Variants in CAMK2D observed in about 807,000 individuals in gnomAD.
The protein encoded by CAMK2D is calcium/calmodulin-dependent protein kinase type II subunit delta.
In CAMK2D, 37 loss-of-function variants were observed where a neutral mutation model predicts 84.0. The ratio of observed to expected loss-of-function variants is 0.44; its 90% CI spans 0.34 to 0.58. The LOEUF (loss-of-function observed/expected upper bound fraction) is 0.58. Among genes scored for constraint, CAMK2D ranks in the 20% least tolerant of loss-of-function variants. CAMK2D has a pLI of 0.02. For missense variants in CAMK2D, 448 were observed against 652.5 expected, an observed-to-expected ratio of 0.69 and a Z score of 3.41; for synonymous variants, 202 against 212.5, an observed-to-expected ratio of 0.95 and a Z score of 0.43.
intron 18 of CAMK2D, among the ~76,000 whole-genome samples, chr4:113,459,526 A>T (rs2097345625): frequency 6.6e-6 from 1 of 151,666 alleles, no homozygotes; most frequent in South Asian, 2.1e-4. Flanking sequence ...TGCCTGCCTA[A>T]TTTTTTTATA....
chr4:113,645,916 G>T (rs1211450823), intron 3 of CAMK2D, among the ~76,000 whole-genome samples: 1 of 152,170 alleles, frequency 6.6e-6, no homozygotes, highest in African/African-American at 2.4e-5. Context: ...CACCAAAAGG[G>T]TCTGGGCCAA....
intron 3 of CAMK2D, among the ~76,000 whole-genome samples, chr4:113,636,359 A>T (rs1442443726): frequency 6.6e-6 from 1 of 152,190 alleles, no homozygotes; most frequent in South Asian, 2.1e-4. Context: ...GATTACTCCA[A>T]CTGTCTCCTA....
rs187263041 is a variant in CAMK2D, at chr4:113,528,010, T to C, written c.601+3206A>G. The stretch of plus-strand genomic sequence containing the variant: ...CAGAAGCTGTGAAATCTGTCCATAA[T>C]AACACCTTTTACAAAATAAAACAAG... On this transcript the variant is annotated intron_variant, in intron 8 of 20. Coordinates refer to ENST00000511664, the MANE Select transcript of CAMK2D (RefSeq NM_001321571.2). Among the ~76,000 whole-genome samples, 40 of 152,176 alleles carry C rather than the reference T, an allele frequency of 2.6e-4. No homozygotes were observed. In the South Asian group the frequency reaches 6.8e-3, roughly 26 times the overall value.
At chr4:113,705,458 A>T (rs56401911) in intron 2 of CAMK2D, among the ~76,000 whole-genome samples, 1,949 of 152,134 alleles carry the variant, frequency 0.013, 47 homozygotes, top group African/African-American at 0.044. Context: ...CTACCTACAC[A>T]CAAGGAACCA....
chr4:113,621,746 G>A lies in CAMK2D; in HGVS notation c.221-12540C>T, dbSNP rs1265475249. On this transcript the variant is annotated intron_variant, in intron 3 of 20. Coordinates refer to ENST00000511664, the MANE Select transcript of CAMK2D (RefSeq NM_001321571.2). ...GAATGGTGATCTCAGCACTCATACA[G>A]TCATTAAGACAAAATCCTCTCACTA... Among the ~76,000 whole-genome samples, 14 of 152,194 alleles carry A rather than the reference G, an allele frequency of 9.2e-5. 1 individual carries two copies. Among genetic ancestry groups the A allele is most frequent in the Admixed American group, 7.9e-4 (12 of 15,278 alleles).
At chr4:113,513,212 C>T (rs1553921587) in intron 12 of CAMK2D, 116 bp downstream of exon 12, 6 of 1,541,602 alleles carry the variant, frequency 3.9e-6, no homozygotes, top group African/African-American at 2.8e-5. Context: ...CATTTGCCAC[C>T]CCTGAACAAT....
chr4:113,635,071 A>T (rs1048317173), intron 3 of CAMK2D, among the ~76,000 whole-genome samples: 3 of 152,240 alleles, frequency 2.0e-5, no homozygotes, highest in African/African-American at 7.2e-5. Flanking sequence ...GTCATAGGCA[A>T]ATATTTATAT....
At chr4:113,628,506 A>C (rs971668851) in intron 3 of CAMK2D, among the ~76,000 whole-genome samples, 6 of 152,088 alleles carry the variant, frequency 3.9e-5, no homozygotes, top group African/African-American at 1.2e-4. Flanking sequence ...GAAACAGTGA[A>C]GTTTGAAGTG....
intron 2 of CAMK2D, among the ~76,000 whole-genome samples, chr4:113,662,233 A>G (rs2154314493): frequency 6.6e-6 from 1 of 152,292 alleles, no homozygotes. Flanking sequence ...TGTTCTGTTA[A>G]CCATTCTCCT....
chr4:113,587,891 GGAAAA>G (rs1376617732), intron 4 of CAMK2D, among the ~76,000 whole-genome samples: 1 of 151,962 alleles, frequency 6.6e-6, no homozygotes, highest in East Asian at 1.9e-4. Context: ...AATAATACTA[GGAAAA>G]GAAGCCAAAT....
At chr4:113,498,587 C>A (rs2097977854) in intron 16 of CAMK2D, among the ~76,000 whole-genome samples, 1 of 152,032 alleles carries the variant, frequency 6.6e-6, no homozygotes, top group African/African-American at 2.4e-5. Flanking sequence ...CTTTTGATCT[C>A]AATATGATGC....
chr4:113,614,072 A>C (rs2099011895), intron 3 of CAMK2D, among the ~76,000 whole-genome samples: 1 of 152,150 alleles, frequency 6.6e-6, no homozygotes, highest in Admixed American at 6.6e-5. Flanking sequence ...TATTTTATTG[A>C]GACTTAATAT....
rs1189199460 is a variant in CAMK2D, at chr4:113,567,185, T to G, written c.276-15089A>C. On this transcript the variant is annotated intron_variant, in intron 4 of 20. Coordinates refer to ENST00000511664, the MANE Select transcript of CAMK2D (RefSeq NM_001321571.2). ...TTCTTTTCCTTTTTTTTTTTTTTTT[T>G]GAGATGGAGTCTCGCTCTGTCACCC... 6.0e-5 allele frequency among the ~76,000 whole-genome samples: 9 copies of G among 148,992 alleles called. No homozygotes were observed. In the East Asian group the frequency reaches 1.8e-3, roughly 30 times the overall value.
intron 13 of CAMK2D, among the ~76,000 whole-genome samples, chr4:113,508,916 A>C (rs1235017100): frequency 1.3e-5 from 2 of 152,230 alleles, no homozygotes; most frequent in African/African-American, 4.8e-5. Flanking sequence ...TTAAAGAAAT[A>C]AAACATTTAG....
intron 13 of CAMK2D, 152 bp downstream of exon 13, chr4:113,509,486 T>C (rs564435096): frequency 1.7e-6 from 1 of 601,554 alleles, no homozygotes; most frequent in South Asian, 2.2e-5. Context: ...TAGTCATCTT[T>C]GTATATTAAA....
intron 16 of CAMK2D, among the ~76,000 whole-genome samples, chr4:113,483,688 G>A (rs557494416): frequency 5.9e-5 from 9 of 152,080 alleles, no homozygotes; most frequent in Non-Finnish European, 1.3e-4. Context: ...TTATAGGTGT[G>A]AGCCACCGTG....
At chr4:113,548,376 C>G (rs992260246) in intron 5 of CAMK2D, among the ~76,000 whole-genome samples, 2 of 152,160 alleles carry the variant, frequency 1.3e-5, no homozygotes, top group Non-Finnish European at 2.9e-5. Flanking sequence ...CTGGGCAATT[C>G]AAGAAAGCCT....
intron 2 of CAMK2D, among the ~76,000 whole-genome samples, chr4:113,731,746 C>T (rs985077896): frequency 4.6e-5 from 7 of 151,960 alleles, no homozygotes; most frequent in East Asian, 1.9e-4. Flanking sequence ...CCACTATGCC[C>T]GGTTAATTCT....
intron 19 of CAMK2D, 32 bp from the exon 20 acceptor site, chr4:113,455,853 G>A (rs754994642): frequency 7.4e-7 from 1 of 1,353,628 alleles, no homozygotes; most frequent in Admixed American, 1.7e-5. Flanking sequence ...AAGCCACCTG[G>A]CATAAAATGA....
Sources: allele counts gnomAD v4.1 joint callset (sites outside exome capture counted in the v4.1 genomes callset), GRCh38; gene constraint gnomAD v4.1.1; transcripts MANE v1.5; gene names NCBI Gene and HGNC (gene_info 2026-07-23, HGNC 2026-07-21).